LMLN: variants seen among roughly 807,000 people sequenced by gnomAD.
LMLN encodes leishmanolysin like peptidase.
LMLN carries 70 observed loss-of-function variants against 92.3 expected under a neutral mutation model. The ratio of observed to expected loss-of-function variants is 0.76; its 90% confidence interval spans 0.63 to 0.92. The LOEUF is 0.92. Ranked by LOEUF, LMLN falls within the 40% of genes least tolerant of loss-of-function variation. The probability of loss-of-function intolerance (pLI) is 0.00; values close to 1 mark genes in which losing one functional copy is unlikely to be tolerated. For missense variants in LMLN, 691 were observed against 814.6 expected, an observed-to-expected ratio of 0.85 and a Z score of 1.85; for synonymous variants, 308 against 296.2, an observed-to-expected ratio of 1.04 and a Z score of -0.41.
exon 15 of LMLN, chr3:198,036,016 A>G (rs1300231347): frequency 6.2e-7 from 1 of 1,613,650 alleles, no homozygotes; most frequent in Non-Finnish European, 8.5e-7. Flanking sequence ...TCCTCCAGCC[A>G]CTAACCTGAC....
At chr3:197,964,734 G>A (rs1721003980) in intron 1 of LMLN, among the ~76,000 whole-genome samples, 1 of 151,394 alleles carries the variant, frequency 6.6e-6, no homozygotes, top group African/African-American at 2.4e-5. Flanking sequence ...TTGGTCGGGT[G>A]CAGTGGCTCA....
chr3:197,979,301 G>T (rs1405877854), intron 5 of LMLN, among the ~76,000 whole-genome samples: 1 of 151,920 alleles, frequency 6.6e-6, no homozygotes, highest in African/African-American at 2.4e-5. Flanking sequence ...TGATTTTTCT[G>T]TTTCTAATTT....
At chr3:197,987,056 T>C (rs544286173) in intron 8 of LMLN, among the ~76,000 whole-genome samples, 7 of 151,782 alleles carry the variant, frequency 4.6e-5, no homozygotes, top group Admixed American at 4.6e-4. Flanking sequence ...GCCAGGCTGG[T>C]CTCGAACTCC....
chr3:198,000,969 A>G (rs1261205528), intron 11 of LMLN, among the ~76,000 whole-genome samples: 1 of 152,090 alleles, frequency 6.6e-6, no homozygotes. Flanking sequence ...AAGAAATGTT[A>G]ATCAAGATCC....
chr3:197,996,865 G>A (rs544914570), intron 10 of LMLN, among the ~76,000 whole-genome samples: 4 of 152,174 alleles, frequency 2.6e-5, no homozygotes, highest in East Asian at 1.9e-4. Flanking sequence ...CTACAGCCTC[G>A]AATTCTTTTG....
chr3:198,024,408 G>T (rs1722868205), intron 13 of LMLN, among the ~76,000 whole-genome samples: 2 of 151,938 alleles, frequency 1.3e-5, no homozygotes, highest in South Asian at 4.2e-4. Context: ...ATAGAGACGG[G>T]GTTTCACCAC....
chr3:198,012,698 C>T (rs1377268345), intron 11 of LMLN, among the ~76,000 whole-genome samples: 5 of 150,566 alleles, frequency 3.3e-5, no homozygotes. Context: ...CCTTCAGAGT[C>T]CCCTAACTAG....
chr3:197,973,861 T>C lies in LMLN; in HGVS notation c.220-516T>C, dbSNP rs561434609. Among the ~76,000 whole-genome samples the C allele has an allele frequency of 2.6e-5, 4 of 152,374 alleles. No homozygotes were observed. In the South Asian group the frequency reaches 8.3e-4, roughly 32 times the overall value. ...AGTTAAGCTAACACAATTTTTTCTT[T>C]TGTACATCAAGAGTTTCCTAAAGTG... On this transcript the variant is annotated intron_variant, in intron 1 of 15. Transcript: ENST00000330198.
At chr3:197,968,015 T>G (rs1241293867) in intron 1 of LMLN, among the ~76,000 whole-genome samples, 1 of 152,236 alleles carries the variant, frequency 6.6e-6, no homozygotes, top group East Asian at 1.9e-4. Flanking sequence ...TATTCTGTTC[T>G]TTTTCAAGGT....
intron 1 of LMLN, among the ~76,000 whole-genome samples, chr3:197,963,480 C>T (rs749059478): frequency 1.3e-5 from 2 of 152,300 alleles, no homozygotes; most frequent in African/African-American, 2.4e-5. Flanking sequence ...CATGAGCCGC[C>T]GTGCCCAGCC....
intron 1 of LMLN, among the ~76,000 whole-genome samples, chr3:197,970,748 G>T (rs1279727799): frequency 6.6e-6 from 1 of 152,138 alleles, no homozygotes; most frequent in Non-Finnish European, 1.5e-5. Context: ...GCCAGCAAAA[G>T]GTCAACCTTG....
At chr3:197,998,811 C>T (rs527506919) in intron 10 of LMLN, among the ~76,000 whole-genome samples, 7 of 152,058 alleles carry the variant, frequency 4.6e-5, no homozygotes, top group Non-Finnish European at 8.8e-5. Flanking sequence ...TGATTCTGTC[C>T]CACTTGTTTT....
exon 16 of LMLN, chr3:198,038,626 T>C: frequency 6.2e-7 from 1 of 1,614,112 alleles, no homozygotes; most frequent in Non-Finnish European, 8.5e-7. Flanking sequence ...AGGCAATCTG[T>C]TTCCTCTGCT....
intron 1 of LMLN, among the ~76,000 whole-genome samples, chr3:197,963,201 C>CTTT (rs59827521): frequency 6.2e-5 from 9 of 144,078 alleles, no homozygotes; most frequent in South Asian, 2.2e-4. Flanking sequence ...TTTTCTCTCT[C>CTTT]TTTTTTTTTT....
intron 11 of LMLN, among the ~76,000 whole-genome samples, chr3:198,015,907 T>C (rs2109928711): frequency 6.6e-6 from 1 of 152,204 alleles, no homozygotes; most frequent in South Asian, 2.1e-4. Flanking sequence ...TAAAAAAAAA[T>C]TCCCCTGGTG....
rs952952896 is a variant in LMLN at position 198,002,926 on chromosome 3, G to A, written c.1232+3584G>A. On this transcript the variant is annotated intron_variant, in intron 11 of 15. Transcript: ENST00000330198. ...CCAAAATCTTTCTTAAGGTCCTAAT[G>A]TGCTCATTGTTGAGATTCTCAATTG... 4.1e-6 allele frequency: 3 copies of A among 726,278 alleles called. No homozygotes were observed. In the African/African-American group the frequency reaches 5.3e-5, roughly 13 times the overall value. 45.0% of individuals were successfully genotyped at this position (726,278 alleles called of 1,614,324 possible).
chr3:198,024,437 C>A (rs565760357), intron 13 of LMLN, among the ~76,000 whole-genome samples: 2 of 152,096 alleles, frequency 1.3e-5, no homozygotes, highest in South Asian at 4.1e-4. Flanking sequence ...GGATGGTCTC[C>A]ATCTTCTGAC....
intron 12 of LMLN, among the ~76,000 whole-genome samples, chr3:198,020,920 G>A (rs1465492492): frequency 6.6e-6 from 1 of 150,756 alleles, no homozygotes; most frequent in Non-Finnish European, 1.5e-5. Context: ...ACCATGCCCG[G>A]CCATAAAATT....
chr3:198,035,364 T>G (rs1292313961), intron 14 of LMLN, among the ~76,000 whole-genome samples: 1 of 140,722 alleles, frequency 7.1e-6, no homozygotes, highest in Non-Finnish European at 1.6e-5. Flanking sequence ...TCTTTTGGTT[T>G]TTTTTTTTTT....
Sources: allele counts gnomAD v4.1 joint callset (sites outside exome capture counted in the v4.1 genomes callset), GRCh38; gene constraint gnomAD v4.1.1; transcripts MANE v1.5; gene names NCBI Gene and HGNC (gene_info 2026-07-23, HGNC 2026-07-21).